The following ANKFY1 variants were observed in gnomAD, a reference collection of about 807,000 sequenced individuals.
ANKFY1 encodes ankyrin repeat and FYVE domain containing 1.
A neutral mutation model predicts 128.3 loss-of-function variants in ANKFY1; 47 were observed. The ratio of observed to expected loss-of-function variants is 0.37; its 90% CI spans 0.29 to 0.47. The LOEUF (loss-of-function observed/expected upper bound fraction) is 0.47. Ranked by LOEUF, ANKFY1 falls within the 20% of genes least tolerant of loss-of-function variation. The probability of loss-of-function intolerance (pLI) is 1.00; values close to 1 mark genes in which losing one functional copy is unlikely to be tolerated. For synonymous variants in ANKFY1, 553 were observed against 601.6 expected (o/e 0.92, Z 1.18); for missense variants, 1,222 against 1,510.6 (o/e 0.81, Z 3.17).
At chr17:4,176,555 C>T (rs2059414650) in intron 19 of ANKFY1, among the ~76,000 whole-genome samples, 1 of 152,236 alleles carries the variant, frequency 6.6e-6, no homozygotes, top group African/African-American at 2.4e-5. Flanking sequence ...TTCAACTCTA[C>T]TAAAACTTCA....
chr17:4,243,951 G>C (rs1360359220), intron 1 of ANKFY1, among the ~76,000 whole-genome samples: 2 of 142,094 alleles, frequency 1.4e-5, no homozygotes, highest in Admixed American at 7.2e-5. Context: ...TTTTTTTTGA[G>C]ACAGAGTCTC....
In ANKFY1 at chr17:4,200,063, A is replaced by ATT. The variant is rs71383528; in HGVS notation, c.899-2488_899-2487dup. Among the ~76,000 whole-genome samples, 947 of 142,864 alleles carry ATT rather than the reference A, an allele frequency of 6.6e-3. 45 individuals carry two copies. The East Asian group carries it at 0.12, about 17-fold the overall frequency. 93.7% of individuals were successfully genotyped at this position (142,864 alleles called of 152,430 possible). ...ATATCGGGAAAGTTGGGTTTTGGGG[A>ATT]TTTTTTTTTTGTTTTTGAGACAGGG... On this transcript the variant is annotated intron_variant, in intron 7 of 24. Coordinates refer to ENST00000341657, the MANE Select transcript of ANKFY1 (RefSeq NM_001330063.2).
rs986037645 is a variant in ANKFY1 at position 4,209,731 on chromosome 17, C to T, written c.582+93G>A. 2.8e-6 allele frequency: 4 copies of T among 1,412,688 alleles called. No individual in the cohort carries two copies. In the African/African-American group the frequency reaches 4.3e-5, roughly 15 times the overall value. 87.5% of individuals were successfully genotyped at this position (1,412,688 alleles called of 1,614,324 possible). A position where few individuals can be genotyped will look rare whatever the true frequency, so the allele number is the denominator to read the frequency against. On this transcript the variant is annotated intron_variant, in intron 5 of 24. Coordinates refer to ENST00000341657, the MANE Select transcript of ANKFY1 (RefSeq NM_001330063.2). The stretch of plus-strand genomic sequence containing the variant: ...TTGTGTAACAAGAGAAAACCAGGTG[C>T]CAGAGAGGTCACTTTCCATGGAACT...
chr17:4,213,671 A>C (rs745922363), intron 4 of ANKFY1, among the ~76,000 whole-genome samples: 14 of 148,990 alleles, frequency 9.4e-5, no homozygotes, highest in Non-Finnish European at 1.8e-4. Context: ...GGTTCATGCG[A>C]TTCTCCTGTC....
intron 6 of ANKFY1, among the ~76,000 whole-genome samples, chr17:4,206,972 AC>A (rs199892263): frequency 1.5e-4 from 23 of 151,312 alleles, no homozygotes; most frequent in African/African-American, 4.9e-4. Context: ...CAGAATTATC[AC>A]CCCCCCCAAA....
At chr17:4,251,290 A>G (rs950922860) in intron 1 of ANKFY1, among the ~76,000 whole-genome samples, 1 of 152,132 alleles carries the variant, frequency 6.6e-6, no homozygotes, top group Admixed American at 6.6e-5. Flanking sequence ...GTAAGGGTTA[A>G]AACTGTAGCC....
chr17:4,231,878 A>T (rs143648180), intron 3 of ANKFY1, among the ~76,000 whole-genome samples: 58 of 151,966 alleles, frequency 3.8e-4, no homozygotes, highest in Admixed American at 5.9e-4. Context: ...TCAAGGCTGC[A>T]GTGAGCCGTG....
intron 5 of ANKFY1, among the ~76,000 whole-genome samples, chr17:4,208,417 C>T (rs2060065219): frequency 6.6e-6 from 1 of 152,172 alleles, no homozygotes; most frequent in Non-Finnish European, 1.5e-5. Context: ...CCATGCATAC[C>T]TCTAACAGGA....
Position 4,197,452 on chromosome 17 carries a change from C to A in ANKFY1, c.1024G>T (p.Val342Leu), listed in dbSNP as rs1023702114. 6.2e-7 allele frequency: 1 copy of A among 1,614,108 alleles called. No homozygotes were observed. Among genetic ancestry groups the A allele is most frequent in the African/African-American group, 1.3e-5 (1 of 74,930 alleles). ...GCAATCTGCGCCATCTCAGACATCACATCTGCTGAGTGTTTCTTTGAACTG... is the reference window on the plus strand; with the variant it reads ...GCAATCTGCGCCATCTCAGACATCAAATCTGCTGAGTGTTTCTTTGAACTG... ...LYSSKKHSAD[V>L]MSEMAQIAEA... is the part of the protein sequence containing the mutation. Residue 342 changes from valine to leucine, a missense_variant, in exon 8 of 25, where the codon GTG becomes TTG. Transcript: ENST00000341657.
intron 14 of ANKFY1, among the ~76,000 whole-genome samples, chr17:4,182,975 G>A (rs1481845032): frequency 6.6e-6 from 1 of 151,990 alleles, no homozygotes; most frequent in Non-Finnish European, 1.5e-5. Flanking sequence ...GCGTGGTGGT[G>A]GGCGCCTGTA....
At position 4,263,974 on chromosome 17, in the gene ANKFY1, A is replaced by C; in HGVS notation, c.-33T>G. 2 of 1,613,888 alleles carry C rather than the reference A, an allele frequency of 1.2e-6. No individual in the cohort carries two copies. The highest frequency in any genetic ancestry group is 2.2e-5 in the East Asian group (1 of 44,850). ...CCGGCACTGCCTGCAACCTCGCGAG[A>C]AGTGCGCGGCTCAACCGGGGCGGTG... On this transcript the variant is annotated 5_prime_UTR_variant, in exon 1 of 25. Transcript: ENST00000341657.
intron 1 of ANKFY1, 45 bp downstream of exon 1, chr17:4,263,887 C>T (rs1280251075): frequency 3.1e-6 from 5 of 1,613,552 alleles, no homozygotes; most frequent in Non-Finnish European, 4.2e-6. Context: ...AGCAGCGCCC[C>T]CACAGCTCCG....
At chr17:4,183,376 G>GGA in intron 14 of ANKFY1, 22 bp downstream of exon 14, 1 of 1,609,644 alleles carries the variant, frequency 6.2e-7, no homozygotes, top group Non-Finnish European at 8.5e-7. Context: ...GGTGTTAGGT[G>GGA]GAGAGAGCGG....
intron 19 of ANKFY1, among the ~76,000 whole-genome samples, chr17:4,176,103 G>A (rs1026457616): frequency 1.3e-5 from 2 of 152,074 alleles, no homozygotes; most frequent in African/African-American, 2.4e-5. Flanking sequence ...CATACCCACC[G>A]CTCCTTAGCC....
intron 6 of ANKFY1, among the ~76,000 whole-genome samples, chr17:4,207,540 C>T (rs1333384327): frequency 6.6e-6 from 1 of 152,148 alleles, no homozygotes; most frequent in Non-Finnish European, 1.5e-5. Flanking sequence ...TGATTTTGGG[C>T]CAGTGATTCC....
At chr17:4,168,027 G>A (rs1881378699) in intron 24 of ANKFY1, 116 bp from the exon 25 acceptor site, 3 of 1,176,032 alleles carry the variant, frequency 2.6e-6, no homozygotes, top group African/African-American at 3.1e-5. Flanking sequence ...ATGCTACTCT[G>A]GCAACTCTGC....
chr17:4,208,103 G>T, intron 5 of ANKFY1, 21 bp from the exon 6 acceptor site: 1 of 1,586,696 alleles, frequency 6.3e-7, no homozygotes, highest in South Asian at 1.2e-5. Flanking sequence ...ACAACACAGT[G>T]AAAAGCAGAA....
chr17:4,248,358 T>C (rs1020564361), intron 1 of ANKFY1, among the ~76,000 whole-genome samples: 1 of 152,202 alleles, frequency 6.6e-6, no homozygotes, highest in East Asian at 1.9e-4. Flanking sequence ...TGCATGCTCC[T>C]TATGAGACTC....
intron 3 of ANKFY1, among the ~76,000 whole-genome samples, chr17:4,224,609 A>G (rs1267059515): frequency 6.6e-6 from 1 of 152,208 alleles, no homozygotes; most frequent in Non-Finnish European, 1.5e-5. Context: ...TAGAGGAAAA[A>G]AAATTTTTTT....
Sources: gnomAD v4.1 joint callset for allele counts (sites outside exome capture counted in the v4.1 genomes callset) on GRCh38, gnomAD v4.1.1 for gene constraint, MANE v1.5 for transcripts, NCBI Gene and HGNC (gene_info 2026-07-23, HGNC 2026-07-21) for gene names.